The following COL22A1 variants were observed in gnomAD, a reference collection of about 807,000 sequenced individuals.
COL22A1 encodes collagen alpha-1(XXII) chain.
Under a neutral mutation model 248.9 loss-of-function variants are expected in COL22A1, and 221 were observed. The observed-to-expected ratio is 0.89, with a 90% CI of 0.80 to 0.99. The LOEUF is 0.99. Ranked by LOEUF, COL22A1 falls within the 50% of genes least tolerant of loss-of-function variation. COL22A1 has a pLI of 0.00. For synonymous variants in COL22A1, 891 were observed against 793.4 expected (o/e 1.12, Z -2.07); for missense variants, 2,240 against 2,179.0 (o/e 1.03, Z -0.56).
intron 2 of COL22A1, among the ~76,000 whole-genome samples, chr8:138,880,555 C>T (rs1353166071): frequency 6.6e-6 from 1 of 152,206 alleles, no homozygotes; most frequent in African/African-American, 2.4e-5. Context: ...CTATGTGACC[C>T]GAGCCAATGC....
intron 22 of COL22A1, among the ~76,000 whole-genome samples, chr8:138,738,686 C>T (rs1831316005): frequency 6.6e-6 from 1 of 152,192 alleles, no homozygotes; most frequent in Non-Finnish European, 1.5e-5. Context: ...TCAGATCACA[C>T]CCAGTTCTAT....
intron 52 of COL22A1, among the ~76,000 whole-genome samples, chr8:138,621,115 C>T (rs1003764849): frequency 8.5e-5 from 13 of 152,346 alleles, no homozygotes; most frequent in African/African-American, 2.6e-4. Context: ...GAGGGGCCAC[C>T]TAGTACCTGT....
chr8:138,724,629 G>A lies in COL22A1; in HGVS notation c.2233C>T (p.Pro745Ser). ...CGAACACTCACCGTGGGCCCAGGAG[G>A]TCCAGGCTTTCCCGGGAAGCCGATC... ...GEIGFPGKPG[P>S]PGPTGPPGKD... Residue 745 changes from proline to serine, a missense_variant, in exon 25 of 65, where the codon CCT becomes TCT. Physicochemically the swap from Pro to Ser is moderately conservative, Grantham distance 74. Transcript: ENST00000303045. 5.0e-6 allele frequency: 8 copies of A among 1,614,158 alleles called. No homozygotes were observed. Among genetic ancestry groups the A allele is most frequent in the Non-Finnish European group, 6.8e-6 (8 of 1,179,996 alleles).
chr8:138,635,900 G>A (rs1014259697), intron 48 of COL22A1, among the ~76,000 whole-genome samples: 3 of 152,176 alleles, frequency 2.0e-5, no homozygotes, highest in Admixed American at 2.0e-4. Context: ...TGGGTTACTC[G>A]TTCATGTCCC....
At chr8:138,756,245 T>C (rs2131367039) in intron 18 of COL22A1, among the ~76,000 whole-genome samples, 1 of 152,322 alleles carries the variant, frequency 6.6e-6, no homozygotes, top group African/African-American at 2.4e-5. Context: ...GCCAGGTTCA[T>C]AGCTCCGCAC....
At chr8:138,797,643 T>C (rs757037254) in intron 11 of COL22A1, among the ~76,000 whole-genome samples, 1 of 152,202 alleles carries the variant, frequency 6.6e-6, no homozygotes, top group Non-Finnish European at 1.5e-5. Context: ...TAACTCTGTC[T>C]TTAACCTAAG....
chr8:138,879,031 T>C (rs1823975937), intron 2 of COL22A1, among the ~76,000 whole-genome samples: 1 of 85,592 alleles, frequency 1.2e-5, no homozygotes. Flanking sequence ...AACAGGTGTT[T>C]AGATGTTTTA....
chr8:138,847,530 C>G (rs926440218), intron 3 of COL22A1, among the ~76,000 whole-genome samples: 1 of 152,160 alleles, frequency 6.6e-6, no homozygotes, highest in African/African-American at 2.4e-5. Context: ...TATTCCCCAC[C>G]TTTCCAGTCT....
chr8:138,830,756 CT>C (rs1384169860), intron 5 of COL22A1, among the ~76,000 whole-genome samples: 1 of 152,140 alleles, frequency 6.6e-6, no homozygotes, highest in Admixed American at 6.5e-5. Context: ...TGTTCCTTCT[CT>C]TTTGCATTTT....
At chr8:138,634,552 A>G (rs894621291) in intron 49 of COL22A1, among the ~76,000 whole-genome samples, 2 of 152,166 alleles carry the variant, frequency 1.3e-5, no homozygotes, top group Non-Finnish European at 2.9e-5. Context: ...AGTCAATGTC[A>G]AGGCTACAGC....
At chr8:138,730,616 T>C (rs1563680001) in intron 23 of COL22A1, among the ~76,000 whole-genome samples, 1 of 152,224 alleles carries the variant, frequency 6.6e-6, no homozygotes, top group Non-Finnish European at 1.5e-5. Flanking sequence ...AAATACTTTC[T>C]GTGCAGAATT....
chr8:138,617,767 AT>A (rs1314531268), intron 53 of COL22A1, among the ~76,000 whole-genome samples: 3 of 152,158 alleles, frequency 2.0e-5, no homozygotes, highest in Non-Finnish European at 4.4e-5. Flanking sequence ...CATGGCTCCC[AT>A]TTTGCAGCTG....
intron 47 of COL22A1, among the ~76,000 whole-genome samples, chr8:138,643,150 C>T (rs1440480275): frequency 1.3e-5 from 2 of 152,068 alleles, no homozygotes. Flanking sequence ...AGAAGCTTGG[C>T]CTCAGCTGGT....
chr8:138,658,483 C>T lies in COL22A1; in HGVS notation c.3285+1953G>A, dbSNP rs369432886. ...TGTGTGACCGACTCCCAACATAAAC[C>T]CTAGACACCAAGGTTCCGGTGAGCT... is the stretch of plus-strand genomic sequence containing the variant. On this transcript the variant is annotated intron_variant, in intron 44 of 64. Coordinates refer to ENST00000303045, the MANE Select transcript of COL22A1 (RefSeq NM_152888.3). 2.2e-4 allele frequency among the ~76,000 whole-genome samples: 34 copies of T among 152,240 alleles called. No homozygotes were observed. In the South Asian group the frequency reaches 7.1e-3, roughly 32 times the overall value.
rs1819073054 is a variant in COL22A1 at position 138,821,047 on chromosome 8, A to C, written c.1245+89T>G. The C allele has an allele frequency of 2.2e-6, 3 of 1,379,456 alleles. No homozygotes were observed. In the Admixed American group the frequency reaches 5.7e-5, roughly 26 times the overall value. 85.5% of individuals were successfully genotyped at this position (1,379,456 alleles called of 1,614,324 possible). On this transcript the variant is annotated intron_variant, in intron 7 of 64. Coordinates refer to ENST00000303045, the MANE Select transcript of COL22A1 (RefSeq NM_152888.3). ...TGATGATTTGGTACCTGGTTCATGC[A>C]GGTGTGGAGAACACTGAGGGCACTT...
chr8:138,589,138 G>C lies in COL22A1; in HGVS notation c.*115C>G, dbSNP rs1288618624. ...ATAAAACAAAAAGCAAACGATAAAA[G>C]AAAGAAAAAAAAAAGGAACACATGG... On this transcript the variant is annotated 3_prime_UTR_variant, in exon 65 of 65. Transcript: ENST00000303045. The C allele has an allele frequency of 4.1e-6, 4 of 978,558 alleles. No homozygotes were observed. The highest frequency in any genetic ancestry group is 3.2e-5 in the Admixed American group (1 of 31,518). 60.6% of individuals were successfully genotyped at this position (978,558 alleles called of 1,614,324 possible). A position where few individuals can be genotyped will look rare whatever the true frequency, so the allele number is the denominator to read the frequency against.
chr8:138,628,577 A>G (rs570441116), intron 50 of COL22A1, among the ~76,000 whole-genome samples: 2 of 152,320 alleles, frequency 1.3e-5, no homozygotes, highest in East Asian at 3.9e-4. Flanking sequence ...TGTAACTACC[A>G]GTGCTCACTG....
intron 1 of COL22A1, among the ~76,000 whole-genome samples, chr8:138,892,911 G>A (rs1291763028): frequency 6.6e-6 from 1 of 152,226 alleles, no homozygotes; most frequent in Non-Finnish European, 1.5e-5. Context: ...CTGGGGTGAT[G>A]GGCAATGTTC....
At chr8:138,792,934 G>C (rs1816192071) in intron 12 of COL22A1, among the ~76,000 whole-genome samples, 1 of 152,160 alleles carries the variant, frequency 6.6e-6, no homozygotes, top group Non-Finnish European at 1.5e-5. Context: ...CAGGTCACTT[G>C]ACCTCAGTGC....
Sources: gnomAD v4.1 joint callset for allele counts (sites outside exome capture counted in the v4.1 genomes callset) on GRCh38, gnomAD v4.1.1 for gene constraint, MANE v1.5 for transcripts, NCBI Gene and HGNC (gene_info 2026-07-23, HGNC 2026-07-21) for gene names.